Variants in TMEM132B observed in about 807,000 individuals in gnomAD.
TMEM132B encodes transmembrane protein 132B.
A neutral mutation model predicts 90.8 loss-of-function variants in TMEM132B; 18 were observed. The ratio of observed to expected loss-of-function variants is 0.20; its 90% CI spans 0.14 to 0.29. The LOEUF is 0.29. TMEM132B is among the 10% of genes least tolerant of loss of function. The pLI, the probability that TMEM132B is intolerant of heterozygous loss-of-function variation, is 1.00. For synonymous variants in TMEM132B, 504 were observed against 523.3 expected, an observed-to-expected ratio of 0.96 and a Z score of 0.50; for missense variants, 1,096 against 1,326.8, an observed-to-expected ratio of 0.83 and a Z score of 2.70.
chr12:125,247,134 TCTGA>T (rs1292069060), intron 1 of TMEM132B, among the ~76,000 whole-genome samples: 3 of 152,212 alleles, frequency 2.0e-5, no homozygotes, highest in Non-Finnish European at 4.4e-5. Context: ...AAAGTTCACA[TCTGA>T]CTGTTACGCC....
rs147464476 is a variant in TMEM132B, at chr12:125,434,170, C to T, written c.1106+18493C>T. 4.3e-3 allele frequency among the ~76,000 whole-genome samples: 648 copies of T among 152,256 alleles called. 6 individuals are homozygous for T. The highest frequency in any genetic ancestry group is 0.024 in the Middle Eastern group (7 of 294). ...TGCAGGGGCTGCCCACATTCCTTGGCGGGTGGCCCTGTATCCCTCTGACCT... is the reference window on the plus strand; with the variant it reads ...TGCAGGGGCTGCCCACATTCCTTGGTGGGTGGCCCTGTATCCCTCTGACCT... On this transcript the variant is annotated intron_variant, in intron 3 of 8. Coordinates refer to ENST00000682704, the MANE Select transcript of TMEM132B (RefSeq NM_001366854.1).
Position 125,306,752 on chromosome 12 carries a change from C to T in TMEM132B, c.68-42700C>T, listed in dbSNP as rs369895792. Among the ~76,000 whole-genome samples the T allele has an allele frequency of 3.9e-5, 6 of 152,366 alleles. 1 individual carries two copies. In the South Asian group the frequency reaches 8.3e-4, roughly 21 times the overall value. On this transcript the variant is annotated intron_variant, in intron 1 of 8. Coordinates refer to ENST00000682704, the MANE Select transcript of TMEM132B (RefSeq NM_001366854.1). ...TTTCTTCCCACAACAACCAAAGCAG[C>T]TTTGCTGCATGTCAATTGCACCATG... is the stretch of plus-strand genomic sequence containing the variant.
chr12:125,642,222 TATTAAAA>T (rs1275356769), intron 5 of TMEM132B, among the ~76,000 whole-genome samples: 2 of 152,212 alleles, frequency 1.3e-5, no homozygotes, highest in Non-Finnish European at 2.9e-5. Context: ...TGTCAGCATC[TATTAAAA>T]ATAAGAACAT....
intron 5 of TMEM132B, chr12:125,585,091 CT>C (rs1280533168): frequency 6.6e-6 from 1 of 152,124 alleles, no homozygotes; most frequent in Non-Finnish European, 1.5e-5. Flanking sequence ...TTGTTGTGAC[CT>C]ACAGGATGCT....
At chr12:125,414,882 A>C (rs1879965856) in intron 2 of TMEM132B, among the ~76,000 whole-genome samples, 2 of 152,300 alleles carry the variant, frequency 1.3e-5, no homozygotes, top group Middle Eastern at 3.4e-3. Context: ...GTACGAAAAG[A>C]AAGAAACCCA....
chr12:125,311,726 A>T (rs1876129814), intron 1 of TMEM132B, among the ~76,000 whole-genome samples: 1 of 152,088 alleles, frequency 6.6e-6, no homozygotes, highest in African/African-American at 2.4e-5. Flanking sequence ...CCCCAACCAA[A>T]CAGGGCAGAC....
intron 2 of TMEM132B, among the ~76,000 whole-genome samples, chr12:125,364,746 A>G (rs1433525112): frequency 1.3e-5 from 2 of 152,012 alleles, no homozygotes; most frequent in Non-Finnish European, 2.9e-5. Context: ...ATTTCTTAGT[A>G]TTTTATATTT....
At chr12:125,488,537 A>G (rs1882259772) in intron 3 of TMEM132B, among the ~76,000 whole-genome samples, 1 of 152,104 alleles carries the variant, frequency 6.6e-6, no homozygotes, top group Non-Finnish European at 1.5e-5. Flanking sequence ...GATGGTTTTA[A>G]AAATGGGAAC....
At chr12:125,496,254 C>A (rs1305104505) in intron 3 of TMEM132B, among the ~76,000 whole-genome samples, 1 of 152,116 alleles carries the variant, frequency 6.6e-6, no homozygotes, top group East Asian at 1.9e-4. Context: ...AGGTTTTATA[C>A]TGGCATTCCA....
intron 5 of TMEM132B, among the ~76,000 whole-genome samples, chr12:125,623,248 A>T (rs1217493685): frequency 6.6e-6 from 1 of 152,222 alleles, no homozygotes; most frequent in Non-Finnish European, 1.5e-5. Flanking sequence ...GCCATGAAAT[A>T]AATGCCAAAA....
chr12:125,466,489 G>A (rs763277143), intron 3 of TMEM132B, among the ~76,000 whole-genome samples: 2 of 152,208 alleles, frequency 1.3e-5, no homozygotes, highest in Non-Finnish European at 2.9e-5. Flanking sequence ...CCCTCTGTGA[G>A]GCTTTCATTC....
intron 4 of TMEM132B, among the ~76,000 whole-genome samples, chr12:125,530,477 GTC>G (rs560480918): frequency 8.6e-4 from 131 of 152,288 alleles, no homozygotes; most frequent in Middle Eastern, 3.4e-3. Flanking sequence ...AGTAAACAAT[GTC>G]TGTTTTGGGT....
rs1880561421 is a variant in TMEM132B, at chr12:125,432,522, T to G, written c.1106+16845T>G. On this transcript the variant is annotated intron_variant, in intron 3 of 8. Transcript: ENST00000682704. ...ATATATGTGTGTGTGTATATATATATATATATAGAGAGAGAGAGAGAGAGA... is the reference window on the plus strand; with the variant it reads ...ATATATGTGTGTGTGTATATATATAGATATATAGAGAGAGAGAGAGAGAGA... Among the ~76,000 whole-genome samples, 34 of 62,378 alleles carry G rather than the reference T, an allele frequency of 5.5e-4. 3 individuals carry two copies. The highest frequency in any genetic ancestry group is 1.4e-3 in the African/African-American group (19 of 13,304). 40.9% of individuals were successfully genotyped at this position (62,378 alleles called of 152,430 possible).
intron 2 of TMEM132B, among the ~76,000 whole-genome samples, chr12:125,388,561 G>A (rs1253635364): frequency 1.3e-5 from 2 of 152,178 alleles, no homozygotes; most frequent in Non-Finnish European, 2.9e-5. Flanking sequence ...TCAACAGTCT[G>A]TCCAGGAAAT....
chr12:125,308,512 G>T (rs1876047526), intron 1 of TMEM132B, among the ~76,000 whole-genome samples: 1 of 152,136 alleles, frequency 6.6e-6, no homozygotes, highest in African/African-American at 2.4e-5. Context: ...ACATGAGATT[G>T]CTGGGCTCAA....
chr12:125,623,768 A>C lies in TMEM132B; in HGVS notation c.1438-20308A>C, dbSNP rs1886167418. Among the ~76,000 whole-genome samples, 9 of 152,288 alleles carry C rather than the reference A, an allele frequency of 5.9e-5. No homozygotes were observed. The South Asian group carries it at 1.7e-3, about 28-fold the overall frequency. ...CTGCAGGGCATCGCCTCTCTGACTC[A>C]CTTTGTGTCCCCAGAGTCCTGCTCA... On this transcript the variant is annotated intron_variant, in intron 5 of 8. Transcript: ENST00000682704.
chr12:125,344,647 T>G (rs1287230054), intron 1 of TMEM132B, among the ~76,000 whole-genome samples: 2 of 152,104 alleles, frequency 1.3e-5, no homozygotes, highest in Non-Finnish European at 2.9e-5. Flanking sequence ...TCCAATTGGC[T>G]GAACACACGT....
At chr12:125,552,903 C>T (rs1884271577) in intron 4 of TMEM132B, among the ~76,000 whole-genome samples, 1 of 152,246 alleles carries the variant, frequency 6.6e-6, no homozygotes, top group Non-Finnish European at 1.5e-5. Flanking sequence ...GGCCTGGCTG[C>T]AGCAGGATCA....
rs912580781 is a variant in TMEM132B, at chr12:125,209,939, G to GTCAT, written c.67+23089_67+23092dup. Among the ~76,000 whole-genome samples, 13 of 152,016 alleles carry GTCAT rather than the reference G, an allele frequency of 8.6e-5. No individual in the cohort carries two copies. Among genetic ancestry groups the GTCAT allele is most frequent in the African/African-American group, 2.2e-4 (9 of 41,380 alleles). ...TCGTAGGTGCCTGCTCATTCGCTTG[G>GTCAT]TCATTCATTCATTCATTCAACAGGT... On this transcript the variant is annotated intron_variant, in intron 1 of 8. Coordinates refer to ENST00000682704, the MANE Select transcript of TMEM132B (RefSeq NM_001366854.1). The surrounding 1 kb of genome is among the most constrained non-coding windows in gnomAD (Gnocchi z 4.4).
Sources: gnomAD v4.1 joint callset for allele counts (sites outside exome capture counted in the v4.1 genomes callset) on GRCh38, gnomAD v4.1.1 for gene constraint, Gnocchi (gnomAD v3.1) non-coding constraint, MANE v1.5 for transcripts, NCBI Gene and HGNC (gene_info 2026-07-23, HGNC 2026-07-21) for gene names.